The following DTNBP1 variants were observed in gnomAD, a reference collection of about 807,000 sequenced individuals.
DTNBP1 encodes the protein dysbindin.
Under a neutral mutation model 42.8 loss-of-function variants are expected in DTNBP1, and 35 were observed. The ratio of observed to expected loss-of-function variants is 0.82; its 90% CI spans 0.63 to 1.09. The LOEUF (loss-of-function observed/expected upper bound fraction) is 1.09. Ranked by LOEUF, DTNBP1 falls within the 50% of genes least tolerant of loss-of-function variation. The probability of loss-of-function intolerance (pLI) is 0.00; values close to 1 mark genes in which losing one functional copy is unlikely to be tolerated. For synonymous variants in DTNBP1, 171 were observed against 162.2 expected (o/e 1.05, Z -0.41); for missense variants, 457 against 424.2 (o/e 1.08, Z -0.68).
At chr6:15,585,755 A>T (rs1776054243) in intron 7 of DTNBP1, 1 of 1,534,508 alleles carries the variant, frequency 6.5e-7, no homozygotes, top group Admixed American at 2.0e-5. Context: ...AGTCCTGGAG[A>T]TGACATGGAT....
At position 15,574,877 on chromosome 6, in the gene DTNBP1, T is replaced by C. The variant is rs1211272016; in HGVS notation, c.511+18182A>G. Among the ~76,000 whole-genome samples, 4 of 152,138 alleles carry C rather than the reference T, an allele frequency of 2.6e-5. 1 individual carries two copies. Among genetic ancestry groups the C allele is most frequent in the Admixed American group, 2.6e-4 (4 of 15,272 alleles). ...CTTCAATCCAACCCTAAAACAAGAG[T>C]GACAGGTTTCTGAGTATGGTCGAAT... On this transcript the variant is annotated intron_variant, in intron 7 of 9. Transcript: ENST00000344537.
intron 6 of DTNBP1, 35 bp downstream of exon 6, chr6:15,615,232 T>G: frequency 6.2e-7 from 1 of 1,614,116 alleles, no homozygotes; most frequent in Non-Finnish European, 8.5e-7. Flanking sequence ...ACTTCGAGAC[T>G]GGAATGAATA....
At chr6:15,574,662 T>C (rs1428526188) in intron 7 of DTNBP1, among the ~76,000 whole-genome samples, 1 of 152,224 alleles carries the variant, frequency 6.6e-6, no homozygotes, top group Non-Finnish European at 1.5e-5. Context: ...AGCAAGCTGT[T>C]CCGCTCAAAT....
intron 2 of DTNBP1, 173 bp from the exon 3 acceptor site, chr6:15,651,536 G>T: frequency 1.2e-6 from 1 of 801,926 alleles, no homozygotes; most frequent in Non-Finnish European, 2.0e-6. Flanking sequence ...TGTACTGTAT[G>T]TAACACACTA....
chr6:15,594,387 C>T (rs1188258844), intron 6 of DTNBP1, among the ~76,000 whole-genome samples: 1 of 151,826 alleles, frequency 6.6e-6, no homozygotes, highest in East Asian at 1.9e-4. Context: ...ATCACTTCAA[C>T]CCAGGAAGCA....
intron 9 of DTNBP1, chr6:15,523,771 G>C (rs1407865939): frequency 2.0e-5 from 26 of 1,287,118 alleles, no homozygotes; most frequent in Non-Finnish European, 2.5e-5. Context: ...GCCTTCTCAG[G>C]ATGAGGGCAA....
intron 7 of DTNBP1, among the ~76,000 whole-genome samples, chr6:15,535,705 A>G (rs1207770043): frequency 6.6e-6 from 1 of 152,146 alleles, no homozygotes; most frequent in African/African-American, 2.4e-5. Flanking sequence ...AGATACTTGA[A>G]AATGTGGAAG....
At chr6:15,608,957 T>C (rs1331711361) in intron 6 of DTNBP1, among the ~76,000 whole-genome samples, 1 of 152,220 alleles carries the variant, frequency 6.6e-6, no homozygotes, top group Non-Finnish European at 1.5e-5. Context: ...CAAACATTCA[T>C]ATCCTTCAAT....
intron 4 of DTNBP1, among the ~76,000 whole-genome samples, chr6:15,633,192 G>A (rs1759792318): frequency 6.6e-6 from 1 of 152,166 alleles, no homozygotes; most frequent in Non-Finnish European, 1.5e-5. Context: ...TTGTTTTCAT[G>A]CCCACTAATG....
chr6:15,640,752 G>A (rs1478668679), intron 3 of DTNBP1, among the ~76,000 whole-genome samples: 2 of 152,184 alleles, frequency 1.3e-5, no homozygotes, highest in African/African-American at 4.8e-5. Context: ...TCTGTCTGAT[G>A]TAACTATTTT....
rs182540960 is a variant in DTNBP1 at position 15,646,557 on chromosome 6, C to T, written c.161+4756G>A. ...GGAATCAAAAAAAGAGCCTGAATAG[C>T]CAAAGCAATCCAAAGCAAAAAGAAC... is the stretch of plus-strand genomic sequence containing the variant. On this transcript the variant is annotated intron_variant, in intron 3 of 9. Transcript: ENST00000344537. Among the ~76,000 whole-genome samples, 651 of 151,954 alleles carry T rather than the reference C, an allele frequency of 4.3e-3. 2 individuals carry two copies. Among genetic ancestry groups the T allele is most frequent in the Non-Finnish European group, 6.8e-3 (459 of 67,870 alleles).
intron 4 of DTNBP1, among the ~76,000 whole-genome samples, chr6:15,636,839 G>GTGTTGT (rs1169072037): frequency 6.6e-6 from 1 of 151,942 alleles, no homozygotes; most frequent in African/African-American, 2.4e-5. Flanking sequence ...CTGTTTTGTT[G>GTGTTGT]TGTTGTTGTT....
At chr6:15,525,000 C>G (rs891560002) in intron 8 of DTNBP1, among the ~76,000 whole-genome samples, 1 of 152,244 alleles carries the variant, frequency 6.6e-6, no homozygotes, top group Non-Finnish European at 1.5e-5. Flanking sequence ...ATTCCTGCAG[C>G]AACAGTTAGC....
chr6:15,578,497 A>G (rs1322831063), intron 7 of DTNBP1, among the ~76,000 whole-genome samples: 1 of 152,206 alleles, frequency 6.6e-6, no homozygotes, highest in Non-Finnish European at 1.5e-5. Flanking sequence ...TGCAGGCAGG[A>G]TGGAATTTAA....
intron 7 of DTNBP1, among the ~76,000 whole-genome samples, chr6:15,577,807 G>A (rs1366154544): frequency 6.6e-6 from 1 of 152,106 alleles, no homozygotes; most frequent in Non-Finnish European, 1.5e-5. Context: ...GAGAGAAAAG[G>A]CCCAAGGATT....
chr6:15,581,675 A>C (rs767075937), intron 7 of DTNBP1, among the ~76,000 whole-genome samples: 2 of 151,348 alleles, frequency 1.3e-5, no homozygotes, highest in Non-Finnish European at 2.9e-5. Context: ...ACAGGGTTTC[A>C]CCATGTTGGC....
At chr6:15,642,588 C>A (rs946880261) in intron 3 of DTNBP1, among the ~76,000 whole-genome samples, 4 of 152,122 alleles carry the variant, frequency 2.6e-5, no homozygotes, top group African/African-American at 7.2e-5. Context: ...ACAAGATGAG[C>A]CCCCTGGGAT....
intron 7 of DTNBP1, among the ~76,000 whole-genome samples, chr6:15,571,552 T>C (rs1269591843): frequency 6.6e-6 from 1 of 152,346 alleles, no homozygotes; most frequent in East Asian, 1.9e-4. Context: ...GATACTTGTA[T>C]ATTCACAAGA....
intron 5 of DTNBP1, among the ~76,000 whole-genome samples, chr6:15,619,849 AT>A (rs937258175): frequency 1.2e-4 from 18 of 151,908 alleles, no homozygotes; most frequent in African/African-American, 4.3e-4. Context: ...AAAATATACA[AT>A]TAAGTTATTA....
Sources: allele counts gnomAD v4.1 joint callset (sites outside exome capture counted in the v4.1 genomes callset), GRCh38; gene constraint gnomAD v4.1.1; transcripts MANE v1.5; gene names NCBI Gene and HGNC (gene_info 2026-07-23, HGNC 2026-07-21).